The following GAS6 variants were observed in gnomAD, a reference collection of about 807,000 sequenced individuals.
GAS6 encodes growth arrest-specific protein 6.
In GAS6, 41 loss-of-function variants were observed where a neutral mutation model predicts 75.8. The observed-to-expected ratio is 0.54, with a 90% confidence interval of 0.42 to 0.70. The LOEUF (loss-of-function observed/expected upper bound fraction) is 0.70, where lower values mean the gene tolerates loss of function less well. Among genes scored for constraint, GAS6 ranks in the 30% least tolerant of loss-of-function variants. The pLI is 0.00. For missense variants in GAS6, 854 were observed against 940.2 expected, an observed-to-expected ratio of 0.91 and a Z score of 1.20; for synonymous variants, 432 against 412.6, an observed-to-expected ratio of 1.05 and a Z score of -0.57.
In GAS6 at chr13:113,835,633, T is replaced by C. The variant is rs2051693449; in HGVS notation, c.592A>G (p.Ile198Val). Residue 198 changes from isoleucine (I) to valine (V), a missense_variant and splice_region_variant, in exon 7 of 15, where the codon ATA (isoleucine) becomes GTA (valine). Ile to Val is a conservative substitution (Grantham distance 29). Coordinates refer to ENST00000327773, the MANE Select transcript of GAS6 (RefSeq NM_000820.4). ...LSSDGRTCQDIDECADSEACG... is the reference protein window; with the variant it reads ...LSSDGRTCQDVDECADSEACG... ...GCCTCCGAGTCTGCGCACTCGTCTA[T>C]GTCTGCAAGCAAAAAAAAACCGGCC... The C allele has an allele frequency of 6.2e-7, 1 of 1,610,796 alleles. No homozygotes were observed. The highest frequency in any genetic ancestry group is 8.5e-7 in the Non-Finnish European group (1 of 1,179,254).
rs1034851250 is a variant in GAS6 at position 113,846,575 on chromosome 13, A to G, written c.295T>C (p.Tyr99His). The change falls in exon 4 of 15, where the codon TAT becomes CAT. Residue 99 changes from tyrosine to histidine, a missense_variant. Transcript: ENST00000327773. The stretch of plus-strand genomic sequence containing the variant: ...GAGTTTTTGGTGTACGGAGACCCAT[A>G]CTTGTTGATGCAGTCTGCAGGAAGA... ...YPRYLDCINK[Y>H]GSPYTKNSGF... The G allele has an allele frequency of 2.5e-6, 4 of 1,613,868 alleles. No homozygotes were observed. The African/African-American group carries it at 5.3e-5, about 22-fold the overall frequency.
chr13:113,863,474 C>A lies in GAS6; in HGVS notation c.255+101G>T, dbSNP rs576805424. On this transcript the variant is annotated intron_variant, in intron 2 of 14. Transcript: ENST00000327773. The surrounding 1 kb of genome is among the most constrained non-coding windows in gnomAD (Gnocchi z 9.4). ...CCTGGGACCCTGAGGCCAGGCCTCG[C>A]CGCGCGGAGCTGGGGGGCGGCAGCA... The A allele has an allele frequency of 2.0e-5, 25 of 1,221,746 alleles. No homozygotes were observed. The African/African-American group carries it at 3.2e-4, about 16-fold the overall frequency. 75.7% of individuals were successfully genotyped at this position (1,221,746 alleles called of 1,614,324 possible).
chr13:113,828,242 C>T (rs938465188), intron 11 of GAS6, among the ~76,000 whole-genome samples: 20 of 151,814 alleles, frequency 1.3e-4, no homozygotes, highest in Admixed American at 4.6e-4. Flanking sequence ...CCAGCCTGGG[C>T]AACAGAGCAA....
intron 2 of GAS6, among the ~76,000 whole-genome samples, chr13:113,859,366 GTC>G (rs915806960): frequency 1.3e-5 from 2 of 150,850 alleles, no homozygotes; most frequent in African/African-American, 4.9e-5. Flanking sequence ...GTGACTGTAT[GTC>G]TATGTGAATG....
chr13:113,821,796 A>G lies in GAS6; in HGVS notation c.1882+162T>C, dbSNP rs142563695. On this transcript the variant is annotated intron_variant, in intron 14 of 14. Coordinates refer to ENST00000327773, the MANE Select transcript of GAS6 (RefSeq NM_000820.4). ...CTGACCAGCACCGAGACACCATAAT[A>G]GCCACTAACGACCCACCTGGACTTC... is the stretch of plus-strand genomic sequence containing the variant. 1,429 of 598,324 alleles carry G rather than the reference A, an allele frequency of 2.4e-3. 17 individuals are homozygous for G. In the African/African-American group the frequency reaches 0.024, roughly 10 times the overall value. 37.1% of individuals were successfully genotyped at this position (598,324 alleles called of 1,614,324 possible). A position where few individuals can be genotyped will look rare whatever the true frequency, so the allele number is the denominator to read the frequency against.
chr13:113,845,692 G>C lies in GAS6; in HGVS notation c.343+835C>G, dbSNP rs192439938. On this transcript the variant is annotated intron_variant, in intron 4 of 14. Transcript: ENST00000327773. This position sits in a 1 kb window ranked among gnomAD's most constrained non-coding sequence, Gnocchi z 4.3. ...AAAAAATATAAACAACAGTTTATAG[G>C]AAAAGAAATACACAGTTTTTAAACC... 6.6e-6 allele frequency: 1 copy of C among 150,742 alleles called. No individual in the cohort carries two copies. Among genetic ancestry groups the C allele is most frequent in the East Asian group, 2.0e-4 (1 of 5,102 alleles). The allele number at this position is 150,742 out of a possible 1,614,324, so 9.3% of individuals were successfully genotyped here.
chr13:113,863,838 G>C lies in GAS6; in HGVS notation c.83C>G (p.Ala28Gly). 1 of 1,299,608 alleles carries C rather than the reference G, an allele frequency of 7.7e-7. No homozygotes were observed. Among genetic ancestry groups the C allele is most frequent in the Non-Finnish European group, 9.7e-7 (1 of 1,030,154 alleles). The allele number at this position is 1,299,608 out of a possible 1,614,324, so 80.5% of individuals were successfully genotyped here. Residue 28 changes from alanine (A) to glycine (G), a missense_variant, in exon 1 of 15, where the codon GCG becomes GGG. Transcript: ENST00000327773. This position sits in a 1 kb window ranked among gnomAD's most constrained non-coding sequence, Gnocchi z 9.4. Reference sequence around the variant, plus strand: ...CTCGGGCCCGCGGGACTCACCAAGCGCGCACTCCGCGGCCAGCAGCAGCAG... The same window carrying C: ...CTCGGGCCCGCGGGACTCACCAAGCCCGCACTCCGCGGCCAGCAGCAGCAG... ...LLLLLLAAEC[A>G]LAALLPAREA...
Position 113,834,717 on chromosome 13 carries a change from G to A in GAS6, c.713-45C>T, listed in dbSNP as rs372046085. The A allele has an allele frequency of 1.5e-5, 22 of 1,431,716 alleles. No homozygotes were observed. The East Asian group carries it at 1.8e-4, about 11-fold the overall frequency. 88.7% of individuals were successfully genotyped at this position (1,431,716 alleles called of 1,614,324 possible). On this transcript the variant is annotated intron_variant, in intron 7 of 14. Coordinates refer to ENST00000327773, the MANE Select transcript of GAS6 (RefSeq NM_000820.4). ...GGCGGTGAGCCGGGGAGGCCTCTAC[G>A]CTGTCCCGCCGTGGGATCACACCGC... is the stretch of plus-strand genomic sequence containing the variant.
chr13:113,860,133 T>C (rs894161435), intron 2 of GAS6, among the ~76,000 whole-genome samples: 1 of 152,050 alleles, frequency 6.6e-6, no homozygotes, highest in African/African-American at 2.4e-5. Flanking sequence ...AGAGAGAGAC[T>C]GGGACAGAGA....
At chr13:113,828,782 C>G in intron 10 of GAS6, 71 bp from the exon 11 acceptor site, 1 of 1,525,722 alleles carries the variant, frequency 6.6e-7, no homozygotes, top group South Asian at 1.2e-5. Flanking sequence ...TGAGAAAAAC[C>G]ACACTCATCC....
chr13:113,826,086 C>CT (rs2051534137), intron 12 of GAS6, among the ~76,000 whole-genome samples: 1 of 152,198 alleles, frequency 6.6e-6, no homozygotes, highest in Non-Finnish European at 1.5e-5. Context: ...AGCAGTAACA[C>CT]TATCCTCACA....
chr13:113,863,492 C>A lies in GAS6; in HGVS notation c.255+83G>T. On this transcript the variant is annotated intron_variant, in intron 2 of 14. Transcript: ENST00000327773. This position sits in a 1 kb window ranked among gnomAD's most constrained non-coding sequence, Gnocchi z 9.4. ...GGCCTCGCCGCGCGGAGCTGGGGGGCGGCAGCAGCGCTGCCTCTCGGGAGC... is the reference window on the plus strand; with the variant it reads ...GGCCTCGCCGCGCGGAGCTGGGGGGAGGCAGCAGCGCTGCCTCTCGGGAGC... 7.5e-7 allele frequency: 1 copy of A among 1,331,464 alleles called. No individual in the cohort carries two copies. Among genetic ancestry groups the A allele is most frequent in the Non-Finnish European group, 9.8e-7 (1 of 1,024,518 alleles). 82.5% of individuals were successfully genotyped at this position (1,331,464 alleles called of 1,614,324 possible).
chr13:113,822,549 G>C, intron 13 of GAS6: 1 of 205,162 alleles, frequency 4.9e-6, no homozygotes, highest in Non-Finnish European at 9.7e-6. Flanking sequence ...ACCCAGCCCT[G>C]CGGTGGCGGC....
At chr13:113,823,747 G>T (rs780690847) in intron 12 of GAS6, among the ~76,000 whole-genome samples, 197 bp from the exon 13 acceptor site, 3 of 152,216 alleles carry the variant, frequency 2.0e-5, no homozygotes, top group Non-Finnish European at 2.9e-5. Flanking sequence ...GGGACCCCCA[G>T]GCTGTTTCTC....
chr13:113,855,593 C>T (rs7320970), intron 2 of GAS6, among the ~76,000 whole-genome samples: 19,168 of 152,158 alleles, frequency 0.13, 1,885 homozygotes, highest in African/African-American at 0.28. Context: ...AGATCCAACG[C>T]GCAGGGGCCT....
chr13:113,853,100 T>C (rs1338574759), intron 2 of GAS6, among the ~76,000 whole-genome samples: 2 of 152,182 alleles, frequency 1.3e-5, no homozygotes, highest in Non-Finnish European at 2.9e-5. Flanking sequence ...GCCCATTCAC[T>C]TTTTAAAAAT....
At chr13:113,858,853 G>C (rs1262267421) in intron 2 of GAS6, among the ~76,000 whole-genome samples, 4 of 142,290 alleles carry the variant, frequency 2.8e-5, no homozygotes, top group African/African-American at 8.2e-5. Context: ...TAGTATGTGT[G>C]TCATTATGCA....
At position 113,820,755 on chromosome 13, in the gene GAS6, C is replaced by A. The variant is rs1011844150; in HGVS notation, c.*109G>T. ...CAGATATGTTACAGGCCGGGATGGT[C>A]ACAGAGGAAAGCCCAGCTCTCAGCA... On this transcript the variant is annotated 3_prime_UTR_variant, in exon 15 of 15. Transcript: ENST00000327773. The A allele has an allele frequency of 2.0e-5, 25 of 1,258,920 alleles. No homozygotes were observed. The highest frequency in any genetic ancestry group is 2.7e-5 in the Non-Finnish European group (25 of 925,592). The allele number at this position is 1,258,920 out of a possible 1,614,324, so 78.0% of individuals were successfully genotyped here.
intron 4 of GAS6, chr13:113,843,834 A>T (rs1258273591): frequency 6.6e-6 from 1 of 150,870 alleles, no homozygotes; most frequent in Non-Finnish European, 1.5e-5. Flanking sequence ...ACAATGACCG[A>T]TAACCAGTGA....
Sources: gnomAD v4.1 joint callset for allele counts (sites outside exome capture counted in the v4.1 genomes callset) on GRCh38, gnomAD v4.1.1 for gene constraint, Gnocchi (gnomAD v3.1) non-coding constraint, MANE v1.5 for transcripts, NCBI Gene and HGNC (gene_info 2026-07-23, HGNC 2026-07-21) for gene names.